The following GRXCR1 variants were observed in gnomAD, a reference collection of about 807,000 sequenced individuals.
GRXCR1 encodes glutaredoxin domain-containing cysteine-rich protein 1.
Under a neutral mutation model 27.3 loss-of-function variants are expected in GRXCR1, and 27 were observed. The observed-to-expected ratio is 0.99, with a 90% CI of 0.73 to 1.37. The LOEUF (loss-of-function observed/expected upper bound fraction) is 1.37. Ranked by LOEUF, GRXCR1 falls within the 40% of genes most tolerant of loss-of-function variation. GRXCR1 has a pLI of 0.00. For missense variants in GRXCR1, 379 were observed against 354.4 expected, an observed-to-expected ratio of 1.07 and a Z score of -0.56; for synonymous variants, 122 against 131.1, an observed-to-expected ratio of 0.93 and a Z score of 0.47.
At chr4:42,904,309 G>A (rs1746535337) in intron 1 of GRXCR1, among the ~76,000 whole-genome samples, 1 of 152,140 alleles carries the variant, frequency 6.6e-6, no homozygotes, top group Non-Finnish European at 1.5e-5. Flanking sequence ...TTGCCTTTAT[G>A]TCTAGACTCT....
intron 1 of GRXCR1, among the ~76,000 whole-genome samples, chr4:42,903,765 G>A (rs1486492040): frequency 7.8e-6 from 1 of 128,204 alleles, no homozygotes; most frequent in Non-Finnish European, 1.7e-5. Flanking sequence ...TTTTTTTCAG[G>A]GAATATTTTT....
At chr4:42,919,403 G>C (rs189952417) in intron 1 of GRXCR1, among the ~76,000 whole-genome samples, 1 of 152,046 alleles carries the variant, frequency 6.6e-6, no homozygotes, top group African/African-American at 2.4e-5. Context: ...TGAGGATATG[G>C]GGCAGCTTCT....
At chr4:42,896,394 T>G (rs1746346697) in intron 1 of GRXCR1, among the ~76,000 whole-genome samples, 1 of 151,864 alleles carries the variant, frequency 6.6e-6, no homozygotes, top group African/African-American at 2.4e-5. Flanking sequence ...TGTGCAAAAT[T>G]AATCAAGGTT....
chr4:43,028,433 A>C (rs1300105732), intron 3 of GRXCR1, among the ~76,000 whole-genome samples: 1 of 152,204 alleles, frequency 6.6e-6, no homozygotes, highest in Non-Finnish European at 1.5e-5. Flanking sequence ...TCTATTTACA[A>C]TCTAGCAGTA....
intron 1 of GRXCR1, among the ~76,000 whole-genome samples, chr4:42,894,228 T>C (rs936848706): frequency 2.6e-5 from 4 of 152,134 alleles, no homozygotes; most frequent in Non-Finnish European, 5.9e-5. Context: ...AAAAAATTAC[T>C]CCTCTATAAA....
At chr4:42,951,870 G>A (rs926783047) in intron 1 of GRXCR1, among the ~76,000 whole-genome samples, 1 of 152,108 alleles carries the variant, frequency 6.6e-6, no homozygotes, top group African/African-American at 2.4e-5. Context: ...AATAATCAGC[G>A]ATTTTCTTTT....
chr4:42,961,786 G>C (rs967159573), intron 1 of GRXCR1, among the ~76,000 whole-genome samples: 3 of 151,936 alleles, frequency 2.0e-5, no homozygotes, highest in Non-Finnish European at 2.9e-5. Flanking sequence ...ACCTGTCCAC[G>C]TGCATCTTGG....
At chr4:42,995,343 C>A (rs1712117976) in intron 2 of GRXCR1, among the ~76,000 whole-genome samples, 1 of 152,100 alleles carries the variant, frequency 6.6e-6, no homozygotes, top group Non-Finnish European at 1.5e-5. Flanking sequence ...TGCCATGCAC[C>A]TTTTACTATA....
intron 1 of GRXCR1, among the ~76,000 whole-genome samples, chr4:42,907,753 C>G (rs758297267): frequency 3.0e-4 from 46 of 152,270 alleles, no homozygotes; most frequent in African/African-American, 1.0e-3. Context: ...ATGATGAGCC[C>G]AAAGTGACTA....
chr4:43,018,244 G>A (rs1234808269), intron 2 of GRXCR1, among the ~76,000 whole-genome samples: 1 of 152,180 alleles, frequency 6.6e-6, no homozygotes, highest in African/African-American at 2.4e-5. Context: ...AGACCTGAGG[G>A]CAGGGCAGGT....
chr4:42,995,621 G>A (rs886683803), intron 2 of GRXCR1, among the ~76,000 whole-genome samples: 1 of 152,168 alleles, frequency 6.6e-6, no homozygotes, highest in Non-Finnish European at 1.5e-5. Flanking sequence ...AAAGCCACAC[G>A]TGGTGCAAAT....
intron 2 of GRXCR1, among the ~76,000 whole-genome samples, chr4:42,970,923 C>G (rs1748369514): frequency 6.6e-6 from 1 of 152,174 alleles, no homozygotes; most frequent in South Asian, 2.1e-4. Context: ...GTTCCAATTT[C>G]AGACAATCTC....
intron 2 of GRXCR1, among the ~76,000 whole-genome samples, chr4:42,980,945 T>C (rs1282945872): frequency 6.6e-6 from 1 of 151,342 alleles, no homozygotes; most frequent in African/African-American, 2.4e-5. Context: ...TTTGGTTGGA[T>C]CTTGTTTTTT....
rs1193333756 is a variant in GRXCR1, at chr4:42,963,048, T to C, written c.541T>C (p.Tyr181His). The C allele has an allele frequency of 1.6e-5, 26 of 1,612,794 alleles. No homozygotes were observed. Among genetic ancestry groups the C allele is most frequent in the Non-Finnish European group, 2.2e-5 (26 of 1,179,164 alleles). ...EEKNIALNGEYGKELDERCRR... is the reference protein window; with the variant it reads ...EEKNIALNGEHGKELDERCRR... ...GAAAAACATAGCCCTGAATGGTGAA[T>C]ATGGAAAAGAGTTAGACGAACGATG... is the stretch of plus-strand genomic sequence containing the variant. The change falls in exon 2 of 4, where the codon TAT (tyrosine) becomes CAT (histidine). Residue 181 changes from tyrosine (Y) to histidine (H), a missense_variant. Tyr to His is a moderately conservative substitution (Grantham distance 83, BLOSUM62 2). Coordinates refer to ENST00000399770, the MANE Select transcript of GRXCR1 (RefSeq NM_001080476.3).
chr4:42,907,102 C>G (rs1746613868), intron 1 of GRXCR1, among the ~76,000 whole-genome samples: 1 of 152,134 alleles, frequency 6.6e-6, no homozygotes, highest in Admixed American at 6.6e-5. Context: ...ACAAGGTAGT[C>G]ATCTTGGCTA....
At chr4:42,930,331 G>A (rs1281880527) in intron 1 of GRXCR1, among the ~76,000 whole-genome samples, 3 of 151,938 alleles carry the variant, frequency 2.0e-5, no homozygotes, top group Non-Finnish European at 4.4e-5. Context: ...ATCTCAGTCA[G>A]GACTTTTTCC....
intron 1 of GRXCR1, among the ~76,000 whole-genome samples, chr4:42,922,909 A>T (rs531145187): frequency 1.3e-5 from 2 of 152,194 alleles, no homozygotes; most frequent in East Asian, 3.9e-4. Context: ...ACAGTGCTAA[A>T]TAGTAAGAAA....
chr4:42,958,155 C>T (rs1043149479), intron 1 of GRXCR1, among the ~76,000 whole-genome samples: 1 of 151,980 alleles, frequency 6.6e-6, no homozygotes, highest in Non-Finnish European at 1.5e-5. Flanking sequence ...CATACCAATG[C>T]CAGGAATGCT....
At chr4:42,974,878 T>C (rs1748475091) in intron 2 of GRXCR1, among the ~76,000 whole-genome samples, 1 of 152,100 alleles carries the variant, frequency 6.6e-6, no homozygotes, top group East Asian at 1.9e-4. Context: ...ATTGTCAGAA[T>C]TGTGAGTTAA....
Sources: allele counts gnomAD v4.1 joint callset (sites outside exome capture counted in the v4.1 genomes callset), GRCh38; gene constraint gnomAD v4.1.1; transcripts MANE v1.5; gene names NCBI Gene and HGNC (gene_info 2026-07-23, HGNC 2026-07-21).